Variants in CCDC141 observed in about 807,000 individuals in gnomAD.
CCDC141 encodes coiled-coil domain containing 141, also known as coiled-coil domain-containing protein 141.
Under a neutral mutation model 181.0 loss-of-function variants are expected in CCDC141, and 168 were observed. The ratio of observed to expected loss-of-function variants is 0.93; its 90% confidence interval spans 0.82 to 1.05. CCDC141 has a LOEUF of 1.05. Among genes scored for constraint, CCDC141 ranks in the 50% least tolerant of loss-of-function variants. The probability of loss-of-function intolerance (pLI) is 0.00; values close to 1 mark genes in which losing one functional copy is unlikely to be tolerated. For synonymous variants in CCDC141, 666 were observed against 642.3 expected (o/e 1.04, Z -0.56); for missense variants, 1,902 against 1,788.5 (o/e 1.06, Z -1.14).
intron 2 of CCDC141, among the ~76,000 whole-genome samples, chr2:179,046,596 G>A (rs2043505927): frequency 6.6e-6 from 1 of 152,192 alleles, no homozygotes. Flanking sequence ...ACATGAAGGA[G>A]CCAGACATTA....
intron 6 of CCDC141, among the ~76,000 whole-genome samples, chr2:178,939,748 G>T (rs1689431965): frequency 6.6e-6 from 1 of 152,042 alleles, no homozygotes; most frequent in Admixed American, 6.6e-5. Context: ...ATACTCTTTT[G>T]TGTGTGTGGT....
At chr2:178,881,682 G>C (rs1381893807) in intron 11 of CCDC141, among the ~76,000 whole-genome samples, 1 of 151,894 alleles carries the variant, frequency 6.6e-6, no homozygotes, top group Non-Finnish European at 1.5e-5. Context: ...CATTTCAAGA[G>C]TCCAAATTTG....
chr2:178,982,356 C>T (rs1691455894), intron 2 of CCDC141, among the ~76,000 whole-genome samples: 1 of 152,034 alleles, frequency 6.6e-6, no homozygotes, highest in Admixed American at 6.5e-5. Context: ...CTTATAAGAG[C>T]ATCAGAAAGA....
At chr2:179,003,161 G>T (rs1229281777) in intron 2 of CCDC141, among the ~76,000 whole-genome samples, 1 of 152,106 alleles carries the variant, frequency 6.6e-6, no homozygotes, top group Non-Finnish European at 1.5e-5. Flanking sequence ...GACAATTTTG[G>T]TCATGAAGAA....
intron 2 of CCDC141, among the ~76,000 whole-genome samples, chr2:179,046,095 T>C (rs1172692707): frequency 6.6e-6 from 1 of 152,242 alleles, no homozygotes; most frequent in East Asian, 1.9e-4. Flanking sequence ...AATTTCAGCC[T>C]AGATGTACAA....
chr2:178,916,736 G>A (rs1391384909), intron 7 of CCDC141, among the ~76,000 whole-genome samples: 2 of 152,078 alleles, frequency 1.3e-5, no homozygotes, highest in Non-Finnish European at 2.9e-5. Context: ...AGTGCCACTT[G>A]TCTATAGAAC....
chr2:178,818,782 G>C, the CCDC141 span, among the ~76,000 whole-genome samples: 1 of 152,080 alleles, frequency 6.6e-6, no homozygotes, highest in Non-Finnish European at 1.5e-5. Context: ...ATATTCTTTT[G>C]GGTATATACC....
intron 5 of CCDC141, among the ~76,000 whole-genome samples, chr2:178,945,591 T>C (rs1262009480): frequency 6.6e-6 from 1 of 152,086 alleles, no homozygotes; most frequent in Non-Finnish European, 1.5e-5. Flanking sequence ...CATGCTTGAG[T>C]TATTTAAGGT....
chr2:178,999,813 A>C (rs182950284), intron 2 of CCDC141, among the ~76,000 whole-genome samples: 1 of 152,072 alleles, frequency 6.6e-6, no homozygotes, highest in Non-Finnish European at 1.5e-5. Context: ...ATCCTTCGCA[A>C]CACTATTCAG....
chr2:178,909,831 G>A (rs565474214), intron 7 of CCDC141, among the ~76,000 whole-genome samples: 1 of 152,170 alleles, frequency 6.6e-6, no homozygotes, highest in Non-Finnish European at 1.5e-5. Flanking sequence ...TTTGGAAGCA[G>A]TGTTTTCCCT....
intron 2 of CCDC141, 126 bp downstream of exon 2, chr2:179,047,158 C>T: frequency 1.5e-6 from 1 of 688,664 alleles, no homozygotes; most frequent in Non-Finnish European, 2.1e-6. Flanking sequence ...ACTGATTTTT[C>T]CATTATCTAC....
At position 178,830,155 on chromosome 2, in the gene CCDC141, C is replaced by G. The variant is rs945497181; in HGVS notation, c.*4018G>C. 6 of 152,176 alleles carry G rather than the reference C, an allele frequency of 3.9e-5. No homozygotes were observed. Among genetic ancestry groups the G allele is most frequent in the African/African-American group, 1.4e-4 (6 of 41,442 alleles). 9.4% of individuals were successfully genotyped at this position (152,176 alleles called of 1,614,324 possible). On this transcript the variant is annotated 3_prime_UTR_variant, in exon 24 of 24. Coordinates refer to ENST00000443758, the MANE Select transcript of CCDC141 (RefSeq NM_173648.4). ...GAGTGGAGGCATCCAGTTCCTCATA[C>G]CGGATGATGATTTATGCCTAAGTAC... is the stretch of plus-strand genomic sequence containing the variant.
intron 1 of CCDC141, among the ~76,000 whole-genome samples, chr2:179,047,703 G>A (rs948619189): frequency 2.0e-5 from 3 of 152,108 alleles, no homozygotes; most frequent in South Asian, 4.1e-4. Context: ...AATGGATTAC[G>A]TATTATTGAA....
At position 178,905,510 on chromosome 2, in the gene CCDC141, G is replaced by C. The variant is rs1687923062; in HGVS notation, c.1093-9C>G. The C allele has an allele frequency of 1.3e-6, 2 of 1,537,624 alleles. 1 individual carries two copies. The highest frequency in any genetic ancestry group is 4.9e-5 in the East Asian group (2 of 40,764). On this transcript the variant is annotated splice_polypyrimidine_tract_variant and intron_variant, in intron 7 of 23. Transcript: ENST00000443758. The stretch of plus-strand genomic sequence containing the variant: ...CCAAGTACATCAAATGCCTGCCAAA[G>C]AAAACATACTTTTATTTTCTGCTTC...
chr2:178,921,750 C>G (rs1688699359), intron 6 of CCDC141, among the ~76,000 whole-genome samples: 1 of 152,146 alleles, frequency 6.6e-6, no homozygotes, highest in South Asian at 2.1e-4. Flanking sequence ...TAGCTAAGAG[C>G]AGCTGAATCA....
chr2:178,820,895 ATC>A, the CCDC141 span, among the ~76,000 whole-genome samples: 27 of 152,272 alleles, frequency 1.8e-4, no homozygotes, highest in Admixed American at 3.3e-4. Context: ...TTATAAGGGT[ATC>A]TATCTATGAA....
chr2:178,862,304 C>T (rs1288150119), intron 17 of CCDC141, among the ~76,000 whole-genome samples: 4 of 152,112 alleles, frequency 2.6e-5, no homozygotes, highest in Non-Finnish European at 5.9e-5. Flanking sequence ...CTTGAGAACA[C>T]GGATACCAAC....
At chr2:178,980,863 T>C (rs999250726) in intron 2 of CCDC141, among the ~76,000 whole-genome samples, 1 of 152,236 alleles carries the variant, frequency 6.6e-6, no homozygotes, top group Non-Finnish European at 1.5e-5. Context: ...TTGTCAATTA[T>C]ACCTCAATAA....
At chr2:178,826,777 T>C (rs948724358), downstream of CCDC141, among the ~76,000 whole-genome samples, 5 of 152,074 alleles carry the variant, frequency 3.3e-5, no homozygotes, top group Admixed American at 2.6e-4. Flanking sequence ...TGGCTAGAAG[T>C]ATATCAATTT....
Sources: allele counts gnomAD v4.1 joint callset (sites outside exome capture counted in the v4.1 genomes callset), GRCh38; gene constraint gnomAD v4.1.1; transcripts MANE v1.5; gene names NCBI Gene and HGNC (gene_info 2026-07-23, HGNC 2026-07-21).